SHANK2: variants seen among roughly 807,000 people sequenced by gnomAD.
SHANK2 encodes the protein SH3 and multiple ankyrin repeat domains protein 2.
A neutral mutation model predicts 133.7 loss-of-function variants in SHANK2; 43 were observed. The observed-to-expected ratio is 0.32, with a 90% CI of 0.25 to 0.41. The LOEUF (loss-of-function observed/expected upper bound fraction) is 0.41. SHANK2 is among the 10% of genes least tolerant of loss of function. The probability of loss-of-function intolerance (pLI) is 1.00; values close to 1 mark genes in which losing one functional copy is unlikely to be tolerated. For missense variants in SHANK2, 1,994 were observed against 2,235.8 expected, an observed-to-expected ratio of 0.89 and a Z score of 2.18; for synonymous variants, 1,017 against 952.8, an observed-to-expected ratio of 1.07 and a Z score of -1.24.
intron 11 of SHANK2, among the ~76,000 whole-genome samples, chr11:70,833,434 G>A (rs1555059143): frequency 6.6e-6 from 1 of 152,236 alleles, no homozygotes; most frequent in East Asian, 1.9e-4. Context: ...AGCCCGTGAG[G>A]CTGGGTCTCG....
intron 11 of SHANK2, among the ~76,000 whole-genome samples, chr11:70,852,373 T>C (rs1268530757): frequency 6.6e-6 from 1 of 152,222 alleles, no homozygotes; most frequent in Non-Finnish European, 1.5e-5. Flanking sequence ...CAGAAGGCCA[T>C]GCAGGGGCTC....
In SHANK2 at chr11:70,469,930, G is replaced by A. The variant is rs148827457; in HGVS notation, c.*2939C>T. ...TTACATTTTGAGAGATTTGGGTTTT[G>A]TATACACAATATTACAGAAACTAGG... On this transcript the variant is annotated 3_prime_UTR_variant, in exon 26 of 26. Coordinates refer to ENST00000601538, the MANE Select transcript of SHANK2 (RefSeq NM_012309.5). 1 of 152,534 alleles carries A rather than the reference G, an allele frequency of 6.6e-6. No individual in the cohort carries two copies. Among genetic ancestry groups the A allele is most frequent in the Non-Finnish European group, 1.5e-5 (1 of 68,024 alleles). The allele number at this position is 152,534 out of a possible 1,614,324, so 9.4% of individuals were successfully genotyped here.
chr11:70,524,456 C>T (rs2059371169), intron 17 of SHANK2, among the ~76,000 whole-genome samples: 2 of 152,252 alleles, frequency 1.3e-5, no homozygotes, highest in Admixed American at 6.5e-5. Context: ...ACCCCAGACA[C>T]TCGGATGCAG....
At chr11:70,896,922 T>C (rs567304517) in intron 10 of SHANK2, among the ~76,000 whole-genome samples, 1 of 152,260 alleles carries the variant, frequency 6.6e-6, no homozygotes, top group East Asian at 1.9e-4. Context: ...CGGGGCTTGA[T>C]TGGTTCCAGC....
At chr11:70,863,987 GCCCCAGC>G in intron 11 of SHANK2, 2 of 393,816 alleles carry the variant, frequency 5.1e-6, no homozygotes, top group East Asian at 7.2e-5. Context: ...TCTTATGGCA[GCCCCAGC>G]AAACAAAAAC....
intron 2 of SHANK2, among the ~76,000 whole-genome samples, chr11:71,223,432 A>G (rs1555121654): frequency 2.0e-5 from 3 of 152,252 alleles, no homozygotes; most frequent in South Asian, 2.1e-4. Flanking sequence ...TGTACCGAAC[A>G]TGTACAGACA....
chr11:70,835,985 T>C (rs1948809629), intron 11 of SHANK2, among the ~76,000 whole-genome samples: 1 of 152,122 alleles, frequency 6.6e-6, no homozygotes, highest in South Asian at 2.1e-4. Flanking sequence ...TCTCCCTGTC[T>C]CAAGCCACAC....
chr11:70,827,185 A>G (rs1948655246), intron 11 of SHANK2, among the ~76,000 whole-genome samples: 1 of 151,916 alleles, frequency 6.6e-6, no homozygotes, highest in African/African-American at 2.4e-5. Flanking sequence ...ATCAGACACA[A>G]GTGCCCATGA....
chr11:71,190,940 T>C (rs886402503), intron 2 of SHANK2, among the ~76,000 whole-genome samples: 1 of 150,920 alleles, frequency 6.6e-6, no homozygotes, highest in African/African-American at 2.4e-5. Flanking sequence ...CATGCATCCC[T>C]TTCTCCCATG....
At chr11:70,789,817 G>C (rs190914534) in intron 14 of SHANK2, among the ~76,000 whole-genome samples, 857 of 152,346 alleles carry the variant, frequency 5.6e-3, no homozygotes, top group Non-Finnish European at 0.01. Flanking sequence ...GATGGAAACA[G>C]GGATGTACAG....
chr11:70,771,213 C>A (rs1947242904), intron 14 of SHANK2, among the ~76,000 whole-genome samples: 1 of 152,214 alleles, frequency 6.6e-6, no homozygotes, highest in Admixed American at 6.5e-5. Flanking sequence ...AGGCATGACC[C>A]ACGGCCTTCG....
intron 11 of SHANK2, among the ~76,000 whole-genome samples, chr11:70,823,297 T>C (rs149883724): frequency 0.062 from 3,710 of 59,804 alleles, 333 homozygotes; most frequent in Admixed American, 0.13. Flanking sequence ...GCAGAGTTCA[T>C]GGGGGACAGA....
At chr11:70,731,307 G>A (rs997644418) in intron 14 of SHANK2, among the ~76,000 whole-genome samples, 1 of 152,304 alleles carries the variant, frequency 6.6e-6, no homozygotes, top group East Asian at 1.9e-4. Context: ...CTCGGCCTAT[G>A]ACTTCCAGCC....
intron 14 of SHANK2, among the ~76,000 whole-genome samples, chr11:70,761,630 C>T (rs868922070): frequency 2.4e-4 from 37 of 152,346 alleles, no homozygotes; most frequent in Admixed American, 1.7e-3. Context: ...AGGGCTTCCC[C>T]GGCTTTGCCA....
chr11:70,653,097 C>T (rs1453150591), intron 17 of SHANK2, among the ~76,000 whole-genome samples: 5 of 151,956 alleles, frequency 3.3e-5, no homozygotes, highest in South Asian at 2.1e-4. Context: ...CCCAGCCTCC[C>T]GAGTAGCTGG....
intron 14 of SHANK2, among the ~76,000 whole-genome samples, chr11:70,708,946 C>G (rs547033728): frequency 6.6e-6 from 1 of 152,322 alleles, no homozygotes; most frequent in East Asian, 1.9e-4. Flanking sequence ...CGTGGTGGCT[C>G]ACACCTATAA....
intron 17 of SHANK2, among the ~76,000 whole-genome samples, chr11:70,612,934 C>A (rs572618177): frequency 6.6e-6 from 1 of 152,222 alleles, no homozygotes; most frequent in Non-Finnish European, 1.5e-5. Context: ...CTCCCACCAG[C>A]GCACTGTACT....
chr11:70,538,021 C>A (rs2059567214), intron 17 of SHANK2, among the ~76,000 whole-genome samples: 1 of 152,226 alleles, frequency 6.6e-6, no homozygotes, highest in Admixed American at 6.5e-5. Flanking sequence ...AGCTCACTCA[C>A]TTGCAGAGGG....
intron 2 of SHANK2, among the ~76,000 whole-genome samples, chr11:71,201,621 GTGACTATTCCC>G (rs1954022246): frequency 6.6e-6 from 1 of 152,198 alleles, no homozygotes; most frequent in African/African-American, 2.4e-5. Context: ...GATAAATCCA[GTGACTATTCCC>G]ATTTTACAGA....
Sources: allele counts gnomAD v4.1 joint callset (sites outside exome capture counted in the v4.1 genomes callset), GRCh38; gene constraint gnomAD v4.1.1; transcripts MANE v1.5; gene names NCBI Gene and HGNC (gene_info 2026-07-23, HGNC 2026-07-21).